XKR9: variants seen among roughly 807,000 people sequenced by gnomAD.
XKR9 encodes XK related 9.
A neutral mutation model predicts 32.0 loss-of-function variants in XKR9; 32 were observed. The ratio of observed to expected loss-of-function variants is 1.00; its 90% confidence interval spans 0.76 to 1.34. The LOEUF (loss-of-function observed/expected upper bound fraction) is 1.34, where lower values mean the gene tolerates loss of function less well. XKR9 is among the 40% of genes most tolerant of loss of function. The pLI is 0.00. For missense variants in XKR9, 546 were observed against 429.7 expected, an observed-to-expected ratio of 1.27 and a Z score of -2.39; for synonymous variants, 168 against 143.4, an observed-to-expected ratio of 1.17 and a Z score of -1.22.
chr8:70,941,706 T>C, the XKR9 span, among the ~76,000 whole-genome samples: 1 of 152,158 alleles, frequency 6.6e-6, no homozygotes, highest in African/African-American at 2.4e-5. Context: ...TCATCTTACA[T>C]TTTCAAATTA....
chr8:70,784,499 T>C (rs183008060), intron 2 of XKR9, among the ~76,000 whole-genome samples: 28 of 152,222 alleles, frequency 1.8e-4, no homozygotes, highest in Non-Finnish European at 2.8e-4. Flanking sequence ...GGTTAGTTTG[T>C]TGTTAGTGTG....
chr8:70,879,058 T>C, the XKR9 span, among the ~76,000 whole-genome samples: 4 of 152,062 alleles, frequency 2.6e-5, no homozygotes, highest in African/African-American at 7.2e-5. Context: ...AATGACTACT[T>C]GGTAAATAAC....
chr8:70,953,352 C>T, the XKR9 span, among the ~76,000 whole-genome samples: 3 of 152,202 alleles, frequency 2.0e-5, no homozygotes, highest in Non-Finnish European at 4.4e-5. Context: ...TGCTCTGTCA[C>T]CTAGGCTGGA....
chr8:70,983,855 A>C, the XKR9 span, among the ~76,000 whole-genome samples: 2 of 151,976 alleles, frequency 1.3e-5, no homozygotes, highest in Non-Finnish European at 2.9e-5. Context: ...ATATCTGTTT[A>C]ATAAATCAAT....
chr8:70,694,416 T>G (rs1805186349), intron 3 of XKR9, among the ~76,000 whole-genome samples: 1 of 150,992 alleles, frequency 6.6e-6, no homozygotes, highest in Non-Finnish European at 1.5e-5. Context: ...CAGGGGGAAT[T>G]CAGATCTGTG....
the XKR9 span, among the ~76,000 whole-genome samples, chr8:70,939,291 T>C: frequency 6.6e-6 from 1 of 152,246 alleles, no homozygotes. Context: ...GCAGTGTGAC[T>C]ACAAAACTTG....
chr8:70,764,990 C>T (rs1586889217), intron 2 of XKR9, among the ~76,000 whole-genome samples: 1 of 152,158 alleles, frequency 6.6e-6, no homozygotes, highest in East Asian at 1.9e-4. Context: ...TCCAGTCTAT[C>T]ATTGTTGGGC....
At chr8:70,724,123 A>T (rs1314934976) in intron 4 of XKR9, among the ~76,000 whole-genome samples, 1 of 151,966 alleles carries the variant, frequency 6.6e-6, no homozygotes, top group Non-Finnish European at 1.5e-5. Flanking sequence ...GGCCACAGCC[A>T]TTTTGCTGTG....
chr8:70,704,110 A>T (rs761147704), intron 3 of XKR9, among the ~76,000 whole-genome samples: 26 of 152,124 alleles, frequency 1.7e-4, no homozygotes, highest in Non-Finnish European at 3.7e-4. Flanking sequence ...TGAACCCGGG[A>T]GGTGGAGCTT....
At chr8:70,689,753 G>A (rs1563424455) in intron 3 of XKR9, among the ~76,000 whole-genome samples, 2 of 152,088 alleles carry the variant, frequency 1.3e-5, no homozygotes, top group African/African-American at 4.8e-5. Context: ...TATTTTGGGT[G>A]AAGAGACAAG....
chr8:70,873,434 T>C, the XKR9 span, among the ~76,000 whole-genome samples: 2 of 152,196 alleles, frequency 1.3e-5, no homozygotes, highest in African/African-American at 4.8e-5. Context: ...ATTAAGAACA[T>C]TTGTGATACA....
At chr8:70,896,186 T>C in the XKR9 span, among the ~76,000 whole-genome samples, 1 of 152,040 alleles carries the variant, frequency 6.6e-6, no homozygotes. Context: ...TAATGTCTTT[T>C]TCTGGTTTTG....
In XKR9 at chr8:70,735,452, T is replaced by A. The variant is rs902788753; in HGVS notation, c.*1028T>A. ...GTTTATTTATTTATTTTTAATTTTT[T>A]AATTTTATATTATTATTATTATTAT... On this transcript the variant is annotated 3_prime_UTR_variant, in exon 5 of 5. Transcript: ENST00000408926. 33 of 150,810 alleles carry A rather than the reference T, an allele frequency of 2.2e-4. No individual in the cohort carries two copies. Among genetic ancestry groups the A allele is most frequent in the African/African-American group, 4.1e-4 (17 of 41,134 alleles). The allele number at this position is 150,810 out of a possible 1,614,324, so 9.3% of individuals were successfully genotyped here. A position where few individuals can be genotyped will look rare whatever the true frequency, so the allele number is the denominator to read the frequency against.
At chr8:70,836,669 C>T in the XKR9 span, among the ~76,000 whole-genome samples, 1 of 151,642 alleles carries the variant, frequency 6.6e-6, no homozygotes, top group Non-Finnish European at 1.5e-5. Context: ...CATTTTTGAA[C>T]CAATATCTTT....
the XKR9 span, among the ~76,000 whole-genome samples, chr8:71,027,182 G>A: frequency 1.3e-5 from 2 of 151,678 alleles, no homozygotes; most frequent in East Asian, 3.9e-4. Context: ...CAGTAGAATT[G>A]AAAGTGTGAA....
the XKR9 span, among the ~76,000 whole-genome samples, chr8:70,943,155 T>C: frequency 6.6e-6 from 1 of 152,232 alleles, no homozygotes; most frequent in Non-Finnish European, 1.5e-5. Flanking sequence ...TTGAAAAACC[T>C]ATTCAGTATT....
At chr8:70,978,464 T>C in the XKR9 span, among the ~76,000 whole-genome samples, 1 of 152,204 alleles carries the variant, frequency 6.6e-6, no homozygotes, top group Non-Finnish European at 1.5e-5. Flanking sequence ...TGCTTGTCTG[T>C]AAAGGATTTT....
intron 2 of XKR9, among the ~76,000 whole-genome samples, chr8:70,749,963 C>T (rs1807115048): frequency 6.6e-6 from 1 of 151,968 alleles, no homozygotes; most frequent in African/African-American, 2.4e-5. Context: ...AGGAATAAGG[C>T]TTAAATTGCA....
intron 2 of XKR9, among the ~76,000 whole-genome samples, chr8:70,770,451 A>G (rs1241490596): frequency 6.6e-6 from 1 of 152,122 alleles, no homozygotes; most frequent in Non-Finnish European, 1.5e-5. Context: ...GTGCTGGGAG[A>G]TATGCTGCTC....
Sources: gnomAD v4.1 joint callset for allele counts (sites outside exome capture counted in the v4.1 genomes callset) on GRCh38, gnomAD v4.1.1 for gene constraint, MANE v1.5 for transcripts, NCBI Gene and HGNC (gene_info 2026-07-23, HGNC 2026-07-21) for gene names.